Variants in C3 observed in about 807,000 individuals in gnomAD.
The protein encoded by C3 is C3 and PZP-like alpha-2-macroglobulin domain-containing protein 1.
In C3, 97 loss-of-function variants were observed where a neutral mutation model predicts 207.9. That is an observed-to-expected ratio of 0.47 (90% CI 0.40 to 0.55). The LOEUF (loss-of-function observed/expected upper bound fraction) is 0.55, where lower values mean the gene tolerates loss of function less well. Among genes scored for constraint, C3 ranks in the 20% least tolerant of loss-of-function variants. C3 has a pLI of 0.00. For synonymous variants in C3, 848 were observed against 857.6 expected (o/e 0.99, Z 0.20); for missense variants, 1,684 against 2,171.7 (o/e 0.78, Z 4.46).
chr19:6,690,787 T>C, intron 26 of C3, 60 bp from the exon 27 acceptor site: 2 of 1,314,026 alleles, frequency 1.5e-6, no homozygotes, highest in Non-Finnish European at 2.2e-6. Flanking sequence ...ATGGCAGTCA[T>C]CCCCCCTTGC....
At chr19:6,718,209 G>A in intron 3 of C3, 38 bp downstream of exon 3, 1 of 1,613,978 alleles carries the variant, frequency 6.2e-7, no homozygotes, top group Non-Finnish European at 8.5e-7. Context: ...GCCCGCCCAC[G>A]CCGGTGCCCC....
chr19:6,707,629 C>A, intron 15 of C3, 92 bp from the exon 16 acceptor site: 1 of 1,538,746 alleles, frequency 6.5e-7, no homozygotes, highest in Non-Finnish European at 9.0e-7. Context: ...TGGGGGTGTT[C>A]CTGCTCCCAT....
chr19:6,700,413 T>C (rs12981071), intron 19 of C3, among the ~76,000 whole-genome samples: 1 of 43,358 alleles, frequency 2.3e-5, no homozygotes, highest in Non-Finnish European at 3.2e-5. Flanking sequence ...TATGATATAT[T>C]ATATATGTAA....
chr19:6,715,781 C>T (rs1480082458), intron 4 of C3, among the ~76,000 whole-genome samples: 1 of 146,214 alleles, frequency 6.8e-6, no homozygotes, highest in East Asian at 2.6e-4. Context: ...GCCACCACGC[C>T]CAGCTAATTT....
rs753526034 is a variant in C3 at position 6,710,681 on chromosome 19, G to T, written c.1644C>A (p.Ala548=). The T allele has an allele frequency of 9.3e-6, 15 of 1,613,288 alleles. No homozygotes were observed. Among genetic ancestry groups the T allele is most frequent in the Non-Finnish European group, 3.4e-6 (4 of 1,179,918 alleles). ...CCTTGACGTCCACCCACACGGAGTC[G>T]GCCACCACCTCCCTCTGGCCGCTGG... The part of the protein sequence containing the change: ...IGASGQREVV[A]DSVWVDVKDS... Residue 548 remains alanine, a synonymous_variant, in exon 13 of 41, where the codon GCC becomes GCA. Transcript: ENST00000245907.
chr19:6,693,900 G>A (rs1918233172), intron 24 of C3, among the ~76,000 whole-genome samples: 2 of 152,214 alleles, frequency 1.3e-5, no homozygotes, highest in South Asian at 4.2e-4. Flanking sequence ...GCCTTGAAAA[G>A]AGGCAGGGTC....
At chr19:6,717,991 G>T in intron 4 of C3, 103 bp downstream of exon 4, 1 of 1,125,826 alleles carries the variant, frequency 8.9e-7, no homozygotes, top group Non-Finnish European at 1.4e-6. Context: ...CTGTGTCTCT[G>T]CCACTGCACC....
At chr19:6,714,141 T>TC (rs749028113) in intron 6 of C3, 25 bp downstream of exon 6, 10 of 1,604,378 alleles carry the variant, frequency 6.2e-6, no homozygotes, top group South Asian at 5.5e-5. Flanking sequence ...GGGCACTGAC[T>TC]CCCCCCAGCC....
intron 3 of C3, 28 bp downstream of exon 3, chr19:6,718,219 C>T (rs1968084382): frequency 6.2e-7 from 1 of 1,614,114 alleles, no homozygotes; most frequent in Non-Finnish European, 8.5e-7. Flanking sequence ...GCCGGTGCCC[C>T]GCCCTCTCCA....
intron 37 of C3, 86 bp from the exon 38 acceptor site, chr19:6,679,294 A>AC: frequency 1.4e-6 from 2 of 1,461,588 alleles, no homozygotes; most frequent in Non-Finnish European, 1.9e-6. Context: ...CTGGGAGCCT[A>AC]CCCCCCTTGG....
intron 4 of C3, chr19:6,717,783 T>C (rs1260221770): frequency 1.6e-4 from 81 of 522,342 alleles, no homozygotes; most frequent in Non-Finnish European, 2.6e-4. Context: ...GTGTATTGTG[T>C]TGTGTGTTGT....
intron 5 of C3, 44 bp from the exon 6 acceptor site, chr19:6,714,292 C>T (rs1033619935): frequency 1.2e-6 from 2 of 1,609,244 alleles, no homozygotes; most frequent in Admixed American, 3.3e-5. Flanking sequence ...CTCGGAGCCC[C>T]CCTGCTCCCT....
At chr19:6,698,066 G>A (rs1967578908) in intron 19 of C3, among the ~76,000 whole-genome samples, 1 of 151,776 alleles carries the variant, frequency 6.6e-6, no homozygotes. Context: ...CGCCAGGCTG[G>A]AGTGCAGTGG....
chr19:6,706,994 C>G lies in C3; in HGVS notation c.2245+82G>C, dbSNP rs1967790985. ...CTCCTCCAGCCCCACCCCCACCAGA[C>G]AGGGCATCCTCCCTCCTCAGACAGG... On this transcript the variant is annotated intron_variant, in intron 17 of 40. Coordinates refer to ENST00000245907, the MANE Select transcript of C3 (RefSeq NM_000064.4). The G allele has an allele frequency of 8.7e-6, 8 of 924,240 alleles. 1 individual carries two copies. The South Asian group carries it at 1.1e-4, about 13-fold the overall frequency. The allele number at this position is 924,240 out of a possible 1,614,324, so 57.3% of individuals were successfully genotyped here. A position where few individuals can be genotyped will look rare whatever the true frequency, so the allele number is the denominator to read the frequency against.
In C3 at chr19:6,709,834, T is replaced by C. The variant is rs771386161; in HGVS notation, c.1695A>G (p.Val565=). 3 of 1,613,852 alleles carry C rather than the reference T, an allele frequency of 1.9e-6. No homozygotes were observed. In the South Asian group the frequency reaches 3.3e-5, roughly 18 times the overall value. ...VKDSCVGSLV[V]KSGQSEDRQP... is the part of the protein sequence containing the mutation. ...GCCGGTCTTCTGACTGGCCGCTTTTTACCACCAGCTGTGGGGAGGGTGGAG... is the reference window on the plus strand; with the variant it reads ...GCCGGTCTTCTGACTGGCCGCTTTTCACCACCAGCTGTGGGGAGGGTGGAG... Residue 565 remains valine (V), a synonymous_variant, in exon 14 of 41, where the codon GTA becomes GTG. Transcript: ENST00000245907.
intron 33 of C3, chr19:6,682,871 G>A (rs1917899731): frequency 1.9e-5 from 3 of 155,060 alleles, no homozygotes; most frequent in Admixed American, 1.9e-4. Flanking sequence ...CGAAAAGAGG[G>A]AACTGGCCAA....
intron 31 of C3, 41 bp from the exon 32 acceptor site, chr19:6,684,691 A>G: frequency 6.3e-7 from 1 of 1,599,976 alleles, no homozygotes; most frequent in Non-Finnish European, 8.6e-7. Flanking sequence ...AGCCCACAGG[A>G]CTAGGACTGC....
intron 17 of C3, among the ~76,000 whole-genome samples, chr19:6,705,189 C>G (rs142407097): frequency 0.011 from 1,651 of 151,516 alleles, 14 homozygotes; most frequent in Non-Finnish European, 0.015. Flanking sequence ...AAAAGTACAG[C>G]CCACCATCCA....
rs1180546264 is a variant in C3, at chr19:6,696,624, A to T, written c.2832T>A (p.Val944=). The change falls in exon 22 of 41, where the codon GTT becomes GTA. Residue 944 remains valine (V), a synonymous_variant. Coordinates refer to ENST00000245907, the MANE Select transcript of C3 (RefSeq NM_000064.4). ...EGIRMNKTVA[V]RTLDPERLGR... is the part of the protein sequence containing the mutation. The stretch of plus-strand genomic sequence containing the variant: ...CCAGGCGTTCTGGATCCAGGGTGCG[A>T]ACAGCCACAGTTTTGTTCATTCTGA... 2 of 1,614,054 alleles carry T rather than the reference A, an allele frequency of 1.2e-6. No individual in the cohort carries two copies. The highest frequency in any genetic ancestry group is 1.7e-6 in the Non-Finnish European group (2 of 1,180,006).
Sources: allele counts gnomAD v4.1 joint callset (sites outside exome capture counted in the v4.1 genomes callset), GRCh38; gene constraint gnomAD v4.1.1; transcripts MANE v1.5; gene names NCBI Gene and HGNC (gene_info 2026-07-23, HGNC 2026-07-21).